The following SMIM29 variants were observed in gnomAD, a reference collection of about 807,000 sequenced individuals.
The protein encoded by SMIM29 is uncharacterized protein C6orf1.
SMIM29 carries 4 observed loss-of-function variants against 12.9 expected under a neutral mutation model. The observed-to-expected ratio is 0.31, with a 90% confidence interval of 0.15 to 0.71. SMIM29 has a LOEUF of 0.71. Among genes scored for constraint, SMIM29 ranks in the 30% least tolerant of loss-of-function variants. SMIM29 has a pLI of 0.70. For synonymous variants in SMIM29, 50 were observed against 52.0 expected (o/e 0.96, Z 0.17); for missense variants, 122 against 138.1 (o/e 0.88, Z 0.58).
Position 34,247,860 on chromosome 6 carries a change from G to C in SMIM29, c.-69C>G, listed in dbSNP as rs1762866841. Reference sequence around the variant, plus strand: ...CGCTTCGGGAGGGCGCCTCCACTGGGCTCCCTGGGAAGGAGGAAGGGAGGT... The same window carrying C: ...CGCTTCGGGAGGGCGCCTCCACTGGCCTCCCTGGGAAGGAGGAAGGGAGGT... On this transcript the variant is annotated 5_prime_UTR_variant, in exon 2 of 5. Coordinates refer to ENST00000476320, the MANE Select transcript of SMIM29 (RefSeq NM_001008703.4). 2 of 1,262,726 alleles carry C rather than the reference G, an allele frequency of 1.6e-6. No individual in the cohort carries two copies. The highest frequency in any genetic ancestry group is 4.0e-5 in the Admixed American group (1 of 25,160). The allele number at this position is 1,262,726 out of a possible 1,614,324, so 78.2% of individuals were successfully genotyped here. A position where few individuals can be genotyped will look rare whatever the true frequency, so the allele number is the denominator to read the frequency against.
chr6:34,248,232 T>C, intron 1 of SMIM29: 1 of 985,414 alleles, frequency 1.0e-6, no homozygotes, highest in Non-Finnish European at 1.2e-6. Context: ...ACCTGTCCAG[T>C]GGAGCAAAAT....
chr6:34,248,963 C>T lies in SMIM29; in HGVS notation c.-74+16G>A. 1.0e-6 allele frequency: 1 copy of T among 985,530 alleles called. No homozygotes were observed. Among genetic ancestry groups the T allele is most frequent in the Non-Finnish European group, 1.2e-6 (1 of 829,984 alleles). The allele number at this position is 985,530 out of a possible 1,614,324, so 61.0% of individuals were successfully genotyped here. A position where few individuals can be genotyped will look rare whatever the true frequency, so the allele number is the denominator to read the frequency against. On this transcript the variant is annotated intron_variant, in intron 1 of 4. Transcript: ENST00000476320. ...TGCCGGCGCTCTGCAGCCCAGCCGGCCTGGCCATGCCTTACCTCCCGCCGC... is the reference window on the plus strand; with the variant it reads ...TGCCGGCGCTCTGCAGCCCAGCCGGTCTGGCCATGCCTTACCTCCCGCCGC...
rs751238181 is a variant in SMIM29, at chr6:34,246,672, A to C, written c.*131T>G. ...AGGGCATGGGAAGCAGATGCTGCTG[A>C]GGGTGGGTGGAGGGAGAAATGGAGA... On this transcript the variant is annotated 3_prime_UTR_variant, in exon 5 of 5. Coordinates refer to ENST00000476320, the MANE Select transcript of SMIM29 (RefSeq NM_001008703.4). 47 of 1,613,790 alleles carry C rather than the reference A, an allele frequency of 2.9e-5. No individual in the cohort carries two copies. Among genetic ancestry groups the C allele is most frequent in the Admixed American group, 1.7e-4 (10 of 59,996 alleles).
chr6:34,247,950 A>G (rs1762871225), intron 1 of SMIM29, 86 bp from the exon 2 acceptor site: 1 of 1,233,454 alleles, frequency 8.1e-7, no homozygotes. Context: ...GATCTATGAA[A>G]ACTGGTCCCA....
chr6:34,247,326 A>C, intron 3 of SMIM29, 141 bp downstream of exon 3: 1 of 1,528,454 alleles, frequency 6.5e-7, no homozygotes, highest in Non-Finnish European at 8.8e-7. Context: ...CCAGTGAGTA[A>C]CCTGAGGCTG....
chr6:34,247,876 G>A lies in SMIM29; in HGVS notation c.-73-12C>T, dbSNP rs569198934. On this transcript the variant is annotated splice_polypyrimidine_tract_variant and intron_variant, in intron 1 of 4. Coordinates refer to ENST00000476320, the MANE Select transcript of SMIM29 (RefSeq NM_001008703.4). ...CTCCACTGGGCTCCCTGGGAAGGAG[G>A]AAGGGAGGTTATCAGTTGCACCCAG... The A allele has an allele frequency of 1.0e-5, 13 of 1,258,948 alleles. No homozygotes were observed. The Admixed American group carries it at 2.4e-4, about 23-fold the overall frequency. The allele number at this position is 1,258,948 out of a possible 1,614,324, so 78.0% of individuals were successfully genotyped here.
At position 34,246,503 on chromosome 6, in the gene SMIM29, G is replaced by A. The variant is rs780550539; in HGVS notation, c.*300C>T. On this transcript the variant is annotated 3_prime_UTR_variant, in exon 5 of 5. Coordinates refer to ENST00000476320, the MANE Select transcript of SMIM29 (RefSeq NM_001008703.4). ...GCCTGGGGATTTGTGCCCAAGCCCA[G>A]CCCAGGAGGGCTAGAGAAAGCAAAG... 5.2e-6 allele frequency: 8 copies of A among 1,533,726 alleles called. No homozygotes were observed. In the East Asian group the frequency reaches 1.8e-4, roughly 35 times the overall value.
chr6:34,248,270 T>C, intron 1 of SMIM29: 1 of 985,482 alleles, frequency 1.0e-6, no homozygotes, highest in Non-Finnish European at 1.2e-6. Context: ...AGGAAGGACC[T>C]GCACTGCAGC....
chr6:34,247,306 G>A, intron 3 of SMIM29, 157 bp from the exon 4 acceptor site: 1 of 1,543,640 alleles, frequency 6.5e-7, no homozygotes, highest in Non-Finnish European at 8.7e-7. Context: ...ATTCTACAAA[G>A]GGGCTTTCCC....
At position 34,246,466 on chromosome 6, in the gene SMIM29, A is replaced by G. The variant is rs148009829; in HGVS notation, c.*337T>C. 4.0e-6 allele frequency: 6 copies of G among 1,513,730 alleles called. No individual in the cohort carries two copies. The highest frequency in any genetic ancestry group is 5.3e-6 in the Non-Finnish European group (6 of 1,132,400). 93.8% of individuals were successfully genotyped at this position (1,513,730 alleles called of 1,614,324 possible). A position where few individuals can be genotyped will look rare whatever the true frequency, so the allele number is the denominator to read the frequency against. ...ATCTGGCCCCATCACCATGGAAACA[A>G]CTCCAAAGCCTGCCTGGGGATTTGT... On this transcript the variant is annotated 3_prime_UTR_variant, in exon 5 of 5. Transcript: ENST00000476320.
rs1561883944 is a variant in SMIM29, at chr6:34,247,164, AG to A, written c.138-16del. On this transcript the variant is annotated splice_polypyrimidine_tract_variant and intron_variant, in intron 3 of 4. Coordinates refer to ENST00000476320, the MANE Select transcript of SMIM29 (RefSeq NM_001008703.4). ...GCCGGTCCACCCTGGGGAGCAGGGG[AG>A]GGGACTCAGCTAGGAGGTCCCCCCA... 1 of 1,613,790 alleles carries A rather than the reference AG, an allele frequency of 6.2e-7. No homozygotes were observed. Among genetic ancestry groups the A allele is most frequent in the East Asian group, 2.2e-5 (1 of 44,872 alleles).
chr6:34,247,406 T>C (rs769739811), intron 3 of SMIM29, 61 bp downstream of exon 3: 183 of 1,543,728 alleles, frequency 1.2e-4, no homozygotes, highest in Non-Finnish European at 1.5e-4. Flanking sequence ...AGTCAGAGCC[T>C]ATGAGCAGGA....
Position 34,246,781 on chromosome 6 carries a change from A to G in SMIM29, c.*22T>C. 1.2e-6 allele frequency: 2 copies of G among 1,613,318 alleles called. No homozygotes were observed. The highest frequency in any genetic ancestry group is 1.7e-6 in the Non-Finnish European group (2 of 1,179,986). ...GGCAGTCCAGGACCCCAGGCTCTGA[A>G]GGGTGGGGCAAGGGGGTCAGGTCAC... On this transcript the variant is annotated 3_prime_UTR_variant, in exon 5 of 5. Transcript: ENST00000476320.
Position 34,246,671 on chromosome 6 carries a change from G to A in SMIM29, c.*132C>T, listed in dbSNP as rs764597457. The A allele has an allele frequency of 6.2e-7, 1 of 1,614,004 alleles. No homozygotes were observed. Among genetic ancestry groups the A allele is most frequent in the Non-Finnish European group, 8.5e-7 (1 of 1,179,986 alleles). ...GAGGGCATGGGAAGCAGATGCTGCT[G>A]AGGGTGGGTGGAGGGAGAAATGGAG... On this transcript the variant is annotated 3_prime_UTR_variant, in exon 5 of 5. Transcript: ENST00000476320.
intron 1 of SMIM29, chr6:34,248,765 C>T: frequency 2.0e-6 from 2 of 985,702 alleles, no homozygotes; most frequent in South Asian, 4.7e-5. Flanking sequence ...AGGGGGCATG[C>T]CAGGGTGGGG....
At position 34,246,489 on chromosome 6, in the gene SMIM29, T is replaced by C; in HGVS notation, c.*314A>G. 6.6e-7 allele frequency: 1 copy of C among 1,519,146 alleles called. No individual in the cohort carries two copies. Among genetic ancestry groups the C allele is most frequent in the Non-Finnish European group, 8.8e-7 (1 of 1,134,942 alleles). 94.1% of individuals were successfully genotyped at this position (1,519,146 alleles called of 1,614,324 possible). A position where few individuals can be genotyped will look rare whatever the true frequency, so the allele number is the denominator to read the frequency against. ...CAACTCCAAAGCCTGCCTGGGGATT[T>C]GTGCCCAAGCCCAGCCCAGGAGGGC... On this transcript the variant is annotated 3_prime_UTR_variant, in exon 5 of 5. Transcript: ENST00000476320.
chr6:34,247,944 T>C lies in SMIM29; in HGVS notation c.-73-80A>G, dbSNP rs913743548. 9 of 1,234,036 alleles carry C rather than the reference T, an allele frequency of 7.3e-6. No homozygotes were observed. In the African/African-American group the frequency reaches 1.4e-4, roughly 19 times the overall value. 76.4% of individuals were successfully genotyped at this position (1,234,036 alleles called of 1,614,324 possible). A position where few individuals can be genotyped will look rare whatever the true frequency, so the allele number is the denominator to read the frequency against. On this transcript the variant is annotated intron_variant, in intron 1 of 4. Transcript: ENST00000476320. Reference sequence around the variant, plus strand: ...GATCCCTCCCCCAGAGCTGAAGATCTATGAAAACTGGTCCCAGGTCAAATC... The same window carrying C: ...GATCCCTCCCCCAGAGCTGAAGATCCATGAAAACTGGTCCCAGGTCAAATC...
chr6:34,248,198 C>G, intron 1 of SMIM29: 2 of 985,450 alleles, frequency 2.0e-6, no homozygotes, highest in African/African-American at 1.7e-5. Context: ...TGCCCCAGCC[C>G]TTTTGGGGCA....
rs1230353730 is a variant in SMIM29, at chr6:34,246,410, T to A, written c.*393A>T. The A allele has an allele frequency of 1.7e-5, 22 of 1,291,706 alleles. No homozygotes were observed. The highest frequency in any genetic ancestry group is 2.1e-5 in the Non-Finnish European group (21 of 980,384). The allele number at this position is 1,291,706 out of a possible 1,614,324, so 80.0% of individuals were successfully genotyped here. ...TCAAAACCCCTAGCCACAAAACATTTTATTTACAAAATATATACTGAATAC... is the reference window on the plus strand; with the variant it reads ...TCAAAACCCCTAGCCACAAAACATTATATTTACAAAATATATACTGAATAC... On this transcript the variant is annotated 3_prime_UTR_variant, in exon 5 of 5. Coordinates refer to ENST00000476320, the MANE Select transcript of SMIM29 (RefSeq NM_001008703.4).
Sources: gnomAD v4.1 joint callset for allele counts on GRCh38, gnomAD v4.1.1 for gene constraint, MANE v1.5 for transcripts, NCBI Gene and HGNC (gene_info 2026-07-23, HGNC 2026-07-21) for gene names.